Variants in PIK3C2G observed in about 807,000 individuals in gnomAD.
PIK3C2G encodes phosphatidylinositol-4-phosphate 3-kinase catalytic subunit type 2 gamma, also known as phosphatidylinositol 3-kinase C2 domain-containing subunit gamma.
A neutral mutation model predicts 181.1 loss-of-function variants in PIK3C2G; 168 were observed. The observed-to-expected ratio is 0.93, with a 90% CI of 0.82 to 1.05. The LOEUF (loss-of-function observed/expected upper bound fraction) is 1.05. Among genes scored for constraint, PIK3C2G ranks in the 50% least tolerant of loss-of-function variants. The pLI is 0.00. For synonymous variants in PIK3C2G, 573 were observed against 592.2 expected (o/e 0.97, Z 0.47); for missense variants, 1,869 against 1,732.8 (o/e 1.08, Z -1.40).
At chr12:18,430,617 G>T (rs188430970) in intron 18 of PIK3C2G, among the ~76,000 whole-genome samples, 2 of 152,162 alleles carry the variant, frequency 1.3e-5, no homozygotes, top group African/African-American at 2.4e-5. Context: ...ATGTCGATAG[G>T]GGGTGGAGGA....
At chr12:18,449,089 A>T (rs1272508422) in intron 18 of PIK3C2G, among the ~76,000 whole-genome samples, 1 of 151,870 alleles carries the variant, frequency 6.6e-6, no homozygotes, top group Non-Finnish European at 1.5e-5. Flanking sequence ...AGTTGTACCA[A>T]TTTACATTTG....
At chr12:18,248,368 C>T (rs1445530959) in intron 1 of PIK3C2G, among the ~76,000 whole-genome samples, 10 of 151,974 alleles carry the variant, frequency 6.6e-5, no homozygotes, top group East Asian at 5.8e-4. Flanking sequence ...GTCAGGAGAT[C>T]GAGACCATCC....
intron 18 of PIK3C2G, among the ~76,000 whole-genome samples, chr12:18,469,685 A>G (rs1006129721): frequency 7.3e-5 from 11 of 150,974 alleles, no homozygotes; most frequent in Admixed American, 4.6e-4. Context: ...TCTTCCCTCC[A>G]CATTTGGTTT....
chr12:18,412,294 A>G (rs1391377986), intron 16 of PIK3C2G, among the ~76,000 whole-genome samples: 2 of 152,166 alleles, frequency 1.3e-5, no homozygotes, highest in Non-Finnish European at 2.9e-5. Flanking sequence ...TGTACATCAG[A>G]GGTTCTAAAA....
chr12:18,536,907 G>A (rs1399209407), intron 24 of PIK3C2G, among the ~76,000 whole-genome samples: 1 of 152,080 alleles, frequency 6.6e-6, no homozygotes, highest in African/African-American at 2.4e-5. Context: ...TTGAAGAAAT[G>A]AATGAATATA....
At chr12:18,464,244 G>A (rs1217353249) in intron 18 of PIK3C2G, among the ~76,000 whole-genome samples, 2 of 151,968 alleles carry the variant, frequency 1.3e-5, no homozygotes, top group African/African-American at 4.8e-5. Flanking sequence ...CTCATAGATG[G>A]TACCTTGTAT....
chr12:18,322,910 T>C (rs568162299), intron 7 of PIK3C2G, among the ~76,000 whole-genome samples: 1 of 152,230 alleles, frequency 6.6e-6, no homozygotes, highest in African/African-American at 2.4e-5. Context: ...AAAATAAATC[T>C]ACCCAGGGGT....
chr12:18,409,735 G>A (rs1385680728), intron 16 of PIK3C2G, among the ~76,000 whole-genome samples: 1 of 152,082 alleles, frequency 6.6e-6, no homozygotes, highest in Non-Finnish European at 1.5e-5. Context: ...TGTCAAGGAT[G>A]TATTAGTCTG....
At chr12:18,455,194 G>A (rs1487811227) in intron 18 of PIK3C2G, among the ~76,000 whole-genome samples, 1 of 152,180 alleles carries the variant, frequency 6.6e-6, no homozygotes, top group Non-Finnish European at 1.5e-5. Flanking sequence ...CACTATATCA[G>A]CTTTGTCATA....
intron 24 of PIK3C2G, among the ~76,000 whole-genome samples, chr12:18,509,472 C>T (rs1942072664): frequency 6.6e-6 from 1 of 152,210 alleles, no homozygotes; most frequent in African/African-American, 2.4e-5. Flanking sequence ...TATACTCATG[C>T]TTACATCACC....
the PIK3C2G span, among the ~76,000 whole-genome samples, chr12:18,708,011 T>C: frequency 3.9e-5 from 6 of 152,210 alleles, no homozygotes; most frequent in Non-Finnish European, 7.3e-5. Context: ...TTTAAAATTT[T>C]TGTAGCAAGA....
intron 31 of PIK3C2G, among the ~76,000 whole-genome samples, chr12:18,615,321 G>T (rs1437193059): frequency 1.4e-5 from 2 of 144,106 alleles, no homozygotes; most frequent in African/African-American, 5.3e-5. Flanking sequence ...TGGCTGAGTA[G>T]TATTCCACGG....
chr12:18,496,227 T>C (rs1038077827), intron 21 of PIK3C2G, 73 bp downstream of exon 21: 4 of 893,488 alleles, frequency 4.5e-6, no homozygotes, highest in African/African-American at 1.8e-5. Context: ...CAAAAAGAAA[T>C]TGTTGTGGCT....
At position 18,346,629 on chromosome 12, in the gene PIK3C2G, C is replaced by A; in HGVS notation, c.1430-12C>A. ...CTTCTTAGTGACTTGATCTCTATCT[C>A]TTCCTTTCTAGGCTTGATAGAGAAG... On this transcript the variant is annotated splice_polypyrimidine_tract_variant and intron_variant, in intron 10 of 32. Coordinates refer to ENST00000538779, the MANE Select transcript of PIK3C2G (RefSeq NM_001288772.2). The A allele has an allele frequency of 6.4e-7, 1 of 1,562,054 alleles. No individual in the cohort carries two copies. The highest frequency in any genetic ancestry group is 1.2e-5 in the South Asian group (1 of 86,864).
At chr12:18,624,688 G>A (rs1290996957) in intron 31 of PIK3C2G, among the ~76,000 whole-genome samples, 3 of 151,442 alleles carry the variant, frequency 2.0e-5, no homozygotes, top group Non-Finnish European at 4.4e-5. Flanking sequence ...TTTGAGGAGA[G>A]ACTTTTTATT....
At chr12:18,639,515 T>C (rs1949754750) in intron 31 of PIK3C2G, among the ~76,000 whole-genome samples, 1 of 152,210 alleles carries the variant, frequency 6.6e-6, no homozygotes, top group Non-Finnish European at 1.5e-5. Flanking sequence ...TCTCATTTTA[T>C]AAAACTAGAC....
At chr12:18,491,307 C>T (rs1169250698) in intron 19 of PIK3C2G, 144 bp from the exon 20 acceptor site, 4 of 581,076 alleles carry the variant, frequency 6.9e-6, no homozygotes, top group Admixed American at 3.0e-5. Flanking sequence ...TGCCTGAATA[C>T]ATCACCTGCC....
intron 25 of PIK3C2G, among the ~76,000 whole-genome samples, chr12:18,544,972 G>A (rs551394602): frequency 1.5e-4 from 23 of 151,754 alleles, no homozygotes; most frequent in African/African-American, 5.5e-4. Context: ...GCCTCTAAAC[G>A]GGCCTCATTT....
At chr12:18,439,725 G>GT (rs1486237075) in intron 18 of PIK3C2G, among the ~76,000 whole-genome samples, 3 of 151,932 alleles carry the variant, frequency 2.0e-5, no homozygotes, top group Non-Finnish European at 4.4e-5. Context: ...CTAGTGCTAT[G>GT]TTTTTTTACT....
Sources: gnomAD v4.1 joint callset for allele counts (sites outside exome capture counted in the v4.1 genomes callset) on GRCh38, gnomAD v4.1.1 for gene constraint, MANE v1.5 for transcripts, NCBI Gene and HGNC (gene_info 2026-07-23, HGNC 2026-07-21) for gene names.